KDM2B: variants seen among roughly 807,000 people sequenced by gnomAD.
The protein encoded by KDM2B is lysine demethylase 2B.
A neutral mutation model predicts 150.0 loss-of-function variants in KDM2B; 26 were observed. The observed-to-expected ratio is 0.17, with a 90% CI of 0.13 to 0.24. The LOEUF is 0.24. KDM2B is among the 10% of genes least tolerant of loss of function. KDM2B has a pLI of 1.00. For synonymous variants in KDM2B, 734 were observed against 729.5 expected (o/e 1.01, Z -0.10); for missense variants, 1,265 against 1,816.9 (o/e 0.70, Z 5.52).
At chr12:121,443,624 C>G (rs1442266601) in intron 17 of KDM2B, 56 bp downstream of exon 17, 17 of 1,023,154 alleles carry the variant, frequency 1.7e-5, no homozygotes, top group Non-Finnish European at 2.5e-5. Context: ...GGGTGGGGGA[C>G]AGCCCAGGAC....
chr12:121,432,987 G>C, intron 22 of KDM2B: 1 of 381,514 alleles, frequency 2.6e-6, no homozygotes. Context: ...TCAGACGGCT[G>C]AGGGGGCCTC....
chr12:121,563,825 AG>A, intron 4 of KDM2B, among the ~76,000 whole-genome samples: 1 of 152,046 alleles, frequency 6.6e-6, no homozygotes, highest in Non-Finnish European at 1.5e-5. Flanking sequence ...TGAACCTGGG[AG>A]GCAGAGGTTG....
At chr12:121,477,273 T>C (rs1031518696) in intron 12 of KDM2B, among the ~76,000 whole-genome samples, 7 of 152,090 alleles carry the variant, frequency 4.6e-5, no homozygotes, top group African/African-American at 1.7e-4. Flanking sequence ...GGTCTCACCT[T>C]GGCTTCTAAA....
rs1469643467 is a variant in KDM2B, at chr12:121,444,462, G to C, written c.2178C>G (p.Gly726=). The C allele has an allele frequency of 1.2e-6, 2 of 1,614,140 alleles. No homozygotes were observed. Among genetic ancestry groups the C allele is most frequent in the Non-Finnish European group, 1.7e-6 (2 of 1,180,020 alleles). The stretch of plus-strand genomic sequence containing the variant: ...GCCCGGCACTCACTTTCCCGGTCTT[G>C]CCGGCGTGGTTACACTTCGGACACT... ...CWECPKCNHA[G]KTGKQKRGPG... Residue 726 remains glycine, a synonymous_variant, in exon 15 of 23, where the codon GGC becomes GGG. Coordinates refer to ENST00000377071, the MANE Select transcript of KDM2B (RefSeq NM_032590.5).
At position 121,513,418 on chromosome 12, in the gene KDM2B, C is replaced by T. The variant is rs200727955; in HGVS notation, c.1048-16G>A. ...TGGGCTGCACCTGAAAGCAAAGACG[C>T]AGGCAGGCAGAGGTCAGTTTCCAGA... On this transcript the variant is annotated splice_polypyrimidine_tract_variant and intron_variant, in intron 9 of 22. Transcript: ENST00000377071. The surrounding 1 kb of genome is among the most constrained non-coding windows in gnomAD (Gnocchi z 5.0). 9 of 1,608,306 alleles carry T rather than the reference C, an allele frequency of 5.6e-6. No homozygotes were observed. In the African/African-American group the frequency reaches 9.3e-5, roughly 17 times the overall value.
chr12:121,440,192 T>C (rs1555287859), intron 21 of KDM2B, 117 bp from the exon 22 acceptor site: 2 of 685,342 alleles, frequency 2.9e-6, no homozygotes, highest in Non-Finnish European at 4.9e-6. Context: ...TTCATTTAGT[T>C]ATAAACTGCT....
At chr12:121,470,976 T>C (rs1880713027) in intron 12 of KDM2B, among the ~76,000 whole-genome samples, 1 of 152,226 alleles carries the variant, frequency 6.6e-6, no homozygotes, top group African/African-American at 2.4e-5. Context: ...CTGACACCTC[T>C]TACAAATTCC....
chr12:121,546,377 G>T (rs1410225883), intron 6 of KDM2B, among the ~76,000 whole-genome samples: 173 of 93,714 alleles, frequency 1.8e-3, no homozygotes, highest in African/African-American at 2.5e-3. Flanking sequence ...TTTTTTTTTT[G>T]CCTTTTTTTT....
the KDM2B span, among the ~76,000 whole-genome samples, chr12:121,412,202 C>G: frequency 7.1e-6 from 1 of 141,134 alleles, no homozygotes; most frequent in South Asian, 2.2e-4. Flanking sequence ...GCTGGGACTA[C>G]AGGCACGTGC....
chr12:121,544,034 G>C (rs1888816469), intron 6 of KDM2B, among the ~76,000 whole-genome samples: 1 of 147,404 alleles, frequency 6.8e-6, no homozygotes, highest in Admixed American at 6.8e-5. Context: ...AGGATTGCTT[G>C]AGCCTGGGAG....
At chr12:121,565,442 C>T (rs1015246533) in intron 4 of KDM2B, among the ~76,000 whole-genome samples, 12 of 150,324 alleles carry the variant, frequency 8.0e-5, no homozygotes, top group Non-Finnish European at 1.5e-4. Flanking sequence ...TCAGCCTTCC[C>T]GAGTAGCTAG....
intron 12 of KDM2B, among the ~76,000 whole-genome samples, chr12:121,476,434 T>A (rs1410588573): frequency 6.6e-6 from 1 of 151,510 alleles, no homozygotes; most frequent in Non-Finnish European, 1.5e-5. Flanking sequence ...CCACCCTGGG[T>A]GACCGAACAA....
Position 121,467,374 on chromosome 12 carries a change from G to A in KDM2B, c.1735-14030C>T, listed in dbSNP as rs1880183494. 1 of 980,566 alleles carries A rather than the reference G, an allele frequency of 1.0e-6. No homozygotes were observed. The highest frequency in any genetic ancestry group is 1.8e-5 in the African/African-American group (1 of 56,688). 60.7% of individuals were successfully genotyped at this position (980,566 alleles called of 1,614,324 possible). A position where few individuals can be genotyped will look rare whatever the true frequency, so the allele number is the denominator to read the frequency against. On this transcript the variant is annotated intron_variant, in intron 12 of 22. Transcript: ENST00000377071. The surrounding 1 kb of genome is among the most constrained non-coding windows in gnomAD (Gnocchi z 5.1). ...GCCGCGCCGCGCGCCTCGCACGCCC[G>A]CGCTGGAGGGGGCGGGGAGGGGCCG...
chr12:121,469,870 G>A (rs1555295651), intron 12 of KDM2B: 1 of 152,228 alleles, frequency 6.6e-6, no homozygotes, highest in Non-Finnish European at 1.5e-5. Context: ...ACTGAGGAGG[G>A]TGGATTGCTT....
At chr12:121,479,631 C>CT (rs1346937221) in intron 12 of KDM2B, among the ~76,000 whole-genome samples, 34 of 151,370 alleles carry the variant, frequency 2.2e-4, no homozygotes, top group African/African-American at 6.5e-4. Context: ...TCTCTCTCTC[C>CT]TTTTTTTTGA....
the KDM2B span, among the ~76,000 whole-genome samples, chr12:121,422,651 C>G: frequency 6.6e-6 from 1 of 152,212 alleles, no homozygotes; most frequent in African/African-American, 2.4e-5. Flanking sequence ...TCATGATTCC[C>G]TTTGATCTCC....
At position 121,467,373 on chromosome 12, in the gene KDM2B, C is replaced by A. The variant is rs1183970924; in HGVS notation, c.1735-14029G>T. ...AGCCGCGCCGCGCGCCTCGCACGCCCGCGCTGGAGGGGGCGGGGAGGGGCC... is the reference window on the plus strand; with the variant it reads ...AGCCGCGCCGCGCGCCTCGCACGCCAGCGCTGGAGGGGGCGGGGAGGGGCC... On this transcript the variant is annotated intron_variant, in intron 12 of 22. Coordinates refer to ENST00000377071, the MANE Select transcript of KDM2B (RefSeq NM_032590.5). This position sits in a 1 kb window ranked among gnomAD's most constrained non-coding sequence, Gnocchi z 5.1. 12 of 980,760 alleles carry A rather than the reference C, an allele frequency of 1.2e-5. No individual in the cohort carries two copies. Among genetic ancestry groups the A allele is most frequent in the Middle Eastern group, 5.2e-4 (1 of 1,932 alleles). The allele number at this position is 980,760 out of a possible 1,614,324, so 60.8% of individuals were successfully genotyped here.
chr12:121,513,246 G>A lies in KDM2B; in HGVS notation c.1174+30C>T. 6.2e-7 allele frequency: 1 copy of A among 1,607,346 alleles called. No homozygotes were observed. The highest frequency in any genetic ancestry group is 1.1e-5 in the South Asian group (1 of 90,968). On this transcript the variant is annotated intron_variant, in intron 10 of 22. Coordinates refer to ENST00000377071, the MANE Select transcript of KDM2B (RefSeq NM_032590.5). The surrounding 1 kb of genome is among the most constrained non-coding windows in gnomAD (Gnocchi z 5.0). ...TGATTTCTGCCCCAGCTGTGCAGCC[G>A]AGGCCGTGGGCTCCCTCCGGTTCAC...
chr12:121,571,330 C>T (rs1891072200), intron 4 of KDM2B, among the ~76,000 whole-genome samples: 2 of 152,300 alleles, frequency 1.3e-5, no homozygotes, highest in South Asian at 4.1e-4. Context: ...AGTCTGTCAC[C>T]CAGGCTGGAG....
Sources: gnomAD v4.1 joint callset for allele counts (sites outside exome capture counted in the v4.1 genomes callset) on GRCh38, gnomAD v4.1.1 for gene constraint, Gnocchi (gnomAD v3.1) non-coding constraint, MANE v1.5 for transcripts, NCBI Gene and HGNC (gene_info 2026-07-23, HGNC 2026-07-21) for gene names.